The following PCSK5 variants were observed in gnomAD, a reference collection of about 807,000 sequenced individuals.
PCSK5 encodes the protein proprotein convertase subtilisin/kexin type 5, also known as prohormone convertase 5.
In PCSK5, 129 loss-of-function variants were observed where a neutral mutation model predicts 233.2. The observed-to-expected ratio is 0.55, with a 90% confidence interval of 0.48 to 0.64. The LOEUF is 0.64. Among genes scored for constraint, PCSK5 ranks in the 30% least tolerant of loss-of-function variants. The probability of loss-of-function intolerance (pLI) is 0.00; values close to 1 mark genes in which losing one functional copy is unlikely to be tolerated. For missense variants in PCSK5, 2,076 were observed against 2,430.1 expected, an observed-to-expected ratio of 0.85 and a Z score of 3.06; for synonymous variants, 825 against 879.2, an observed-to-expected ratio of 0.94 and a Z score of 1.09.
intron 1 of PCSK5, among the ~76,000 whole-genome samples, chr9:75,912,577 A>G (rs1587352910): frequency 6.6e-6 from 1 of 152,304 alleles, no homozygotes; most frequent in African/African-American, 2.4e-5. Flanking sequence ...TCCTGAAACA[A>G]TGCTTTGAGG....
At chr9:75,972,766 A>G (rs986484545) in intron 2 of PCSK5, among the ~76,000 whole-genome samples, 25 of 152,250 alleles carry the variant, frequency 1.6e-4, no homozygotes, top group African/African-American at 4.8e-4. Context: ...TCAGCTTAAG[A>G]AGCTTTTGGG....
chr9:76,246,846 CA>C (rs1438997875), intron 24 of PCSK5, among the ~76,000 whole-genome samples: 3 of 152,310 alleles, frequency 2.0e-5, no homozygotes, highest in Admixed American at 6.5e-5. Context: ...CTACTATTAC[CA>C]GGGGTCCTTG....
At chr9:75,916,557 TG>T (rs1349408425) in intron 1 of PCSK5, among the ~76,000 whole-genome samples, 1 of 152,030 alleles carries the variant, frequency 6.6e-6, no homozygotes, top group Non-Finnish European at 1.5e-5. Context: ...AAGTGATATT[TG>T]AGCTAAGATC....
chr9:76,220,004 C>T (rs951843937), intron 20 of PCSK5, among the ~76,000 whole-genome samples: 3 of 152,044 alleles, frequency 2.0e-5, no homozygotes, highest in African/African-American at 4.8e-5. Flanking sequence ...GGGATAAAAT[C>T]ATAACTGATG....
intron 34 of PCSK5, 35 bp from the exon 35 acceptor site, chr9:76,338,195 T>G (rs781623844): frequency 6.7e-7 from 1 of 1,489,690 alleles, no homozygotes; most frequent in Admixed American, 1.8e-5. Flanking sequence ...GGAGCAAAGC[T>G]TACTATTCCA....
chr9:76,237,613 C>CAA (rs773927138), intron 22 of PCSK5, among the ~76,000 whole-genome samples: 40 of 128,332 alleles, frequency 3.1e-4, no homozygotes, highest in Non-Finnish European at 4.3e-4. Flanking sequence ...ACAAAACATA[C>CAA]AAAAAAAAAA....
intron 21 of PCSK5, among the ~76,000 whole-genome samples, chr9:76,231,578 T>C (rs1826084559): frequency 6.6e-6 from 1 of 152,232 alleles, no homozygotes; most frequent in African/African-American, 2.4e-5. Context: ...AGAAAGCTCT[T>C]CCACAGTTTT....
chr9:76,298,365 A>G (rs1295575324), intron 27 of PCSK5, among the ~76,000 whole-genome samples: 1 of 152,148 alleles, frequency 6.6e-6, no homozygotes, highest in Non-Finnish European at 1.5e-5. Flanking sequence ...ATTTTTCACT[A>G]ATAGGGGATT....
At chr9:76,092,434 G>A (rs1831335892) in intron 7 of PCSK5, among the ~76,000 whole-genome samples, 2 of 152,182 alleles carry the variant, frequency 1.3e-5, no homozygotes, top group Non-Finnish European at 2.9e-5. Context: ...TCTGAGCCCT[G>A]TTGCCCAGGC....
intron 24 of PCSK5, among the ~76,000 whole-genome samples, chr9:76,256,699 G>A (rs921423461): frequency 4.6e-5 from 7 of 152,106 alleles, no homozygotes; most frequent in Admixed American, 6.5e-5. Context: ...TGTTCATCAC[G>A]CTTAAAGAAA....
chr9:76,176,719 T>C lies in PCSK5; in HGVS notation c.1900+1590T>C, dbSNP rs375757937. Among the ~76,000 whole-genome samples the C allele has an allele frequency of 3.9e-5, 6 of 152,384 alleles. No homozygotes were observed. In the East Asian group the frequency reaches 5.8e-4, roughly 15 times the overall value. ...TCTTATAGTGGAAAATATTCCATGCTTTCTAACTAGTGTATGCTGGTGTGT... is the reference window on the plus strand; with the variant it reads ...TCTTATAGTGGAAAATATTCCATGCCTTCTAACTAGTGTATGCTGGTGTGT... On this transcript the variant is annotated intron_variant, in intron 14 of 37. Transcript: ENST00000674117.
intron 14 of PCSK5, among the ~76,000 whole-genome samples, chr9:76,178,028 T>C (rs1197701113): frequency 6.6e-6 from 1 of 152,064 alleles, no homozygotes; most frequent in East Asian, 1.9e-4. Context: ...GGAGCTGCAA[T>C]TTTCACCTTC....
intron 24 of PCSK5, among the ~76,000 whole-genome samples, chr9:76,245,598 GA>G (rs1258183317): frequency 6.6e-6 from 1 of 152,122 alleles, no homozygotes. Flanking sequence ...TATGGATTTT[GA>G]GACACCAAGT....
At chr9:76,319,369 A>G (rs925480543) in intron 30 of PCSK5, among the ~76,000 whole-genome samples, 1 of 148,830 alleles carries the variant, frequency 6.7e-6, no homozygotes, top group Non-Finnish European at 1.5e-5. Flanking sequence ...GTCATAATAC[A>G]AATTAGATAT....
rs1416601668 is a variant in PCSK5, at chr9:75,891,011, C to G, written c.-171C>G. 1.9e-6 allele frequency: 1 copy of G among 514,270 alleles called. No individual in the cohort carries two copies. Among genetic ancestry groups the G allele is most frequent in the African/African-American group, 2.0e-5 (1 of 49,710 alleles). 31.9% of individuals were successfully genotyped at this position (514,270 alleles called of 1,614,324 possible). A position where few individuals can be genotyped will look rare whatever the true frequency, so the allele number is the denominator to read the frequency against. ...ATGGTCTAGGAGCCGGCGTAAGGCT[C>G]GCTGCTCTGCTCCCTGCCGGGGCTA... On this transcript the variant is annotated 5_prime_UTR_variant, in exon 1 of 38. Transcript: ENST00000674117.
intron 2 of PCSK5, among the ~76,000 whole-genome samples, chr9:75,958,331 G>C (rs895673227): frequency 6.6e-6 from 1 of 152,136 alleles, no homozygotes; most frequent in African/African-American, 2.4e-5. Flanking sequence ...ACCTCCCTAA[G>C]CTCCTGTCTG....
intron 14 of PCSK5, 132 bp downstream of exon 14, chr9:76,175,261 G>GAATCGAGTC: frequency 1.5e-6 from 1 of 684,004 alleles, no homozygotes. Flanking sequence ...GGAATGGAAT[G>GAATCGAGTC]GAATGGAATG....
At chr9:76,037,235 A>G (rs1487503516) in intron 5 of PCSK5, among the ~76,000 whole-genome samples, 1 of 152,090 alleles carries the variant, frequency 6.6e-6, no homozygotes, top group Middle Eastern at 3.2e-3. Flanking sequence ...TAGTGAGGGG[A>G]AAAAAGCCAA....
In PCSK5 at chr9:76,041,207, A is replaced by G. The variant is rs199896081; in HGVS notation, c.632+14170A>G. Among the ~76,000 whole-genome samples, 6 of 152,368 alleles carry G rather than the reference A, an allele frequency of 3.9e-5. No homozygotes were observed. The East Asian group carries it at 1.2e-3, about 29-fold the overall frequency. Reference sequence around the variant, plus strand: ...CTTTTTATGTAAAATAAAATACACAATTGTAAACTAGGGCCATAAACCATA... The same window carrying G: ...CTTTTTATGTAAAATAAAATACACAGTTGTAAACTAGGGCCATAAACCATA... On this transcript the variant is annotated intron_variant, in intron 5 of 37. Coordinates refer to ENST00000674117, the MANE Select transcript of PCSK5 (RefSeq NM_001372043.1).
Sources: allele counts gnomAD v4.1 joint callset (sites outside exome capture counted in the v4.1 genomes callset), GRCh38; gene constraint gnomAD v4.1.1; transcripts MANE v1.5; gene names NCBI Gene and HGNC (gene_info 2026-07-23, HGNC 2026-07-21).